Variants in SCMH1 observed in about 807,000 individuals in gnomAD.
SCMH1 encodes polycomb protein SCMH1.
Under a neutral mutation model 70.8 loss-of-function variants are expected in SCMH1, and 37 were observed. The observed-to-expected ratio is 0.52, with a 90% confidence interval of 0.40 to 0.69. SCMH1 has a LOEUF of 0.69. Ranked by LOEUF, SCMH1 falls within the 30% of genes least tolerant of loss-of-function variation. The pLI is 0.00. For missense variants in SCMH1, 607 were observed against 827.3 expected (o/e 0.73, Z 3.27); for synonymous variants, 292 against 307.4 (o/e 0.95, Z 0.52).
intron 1 of SCMH1, among the ~76,000 whole-genome samples, chr1:41,230,961 TAAAG>T (rs1263067739): frequency 3.3e-5 from 5 of 152,194 alleles, no homozygotes; most frequent in Non-Finnish European, 7.4e-5. Flanking sequence ...GCTTGCAAAT[TAAAG>T]AACCCCATAT....
rs181186604 is a variant in SCMH1 at position 41,085,909 on chromosome 1, C to A, written c.746-10458G>T. On this transcript the variant is annotated intron_variant, in intron 8 of 14. Transcript: ENST00000337495. The stretch of plus-strand genomic sequence containing the variant: ...AGGCTGGAGTGCAGTGGCGTGAACT[C>A]GGCTCACTGCAACCTCTGCCTCCTG... Among the ~76,000 whole-genome samples, 5 of 141,740 alleles carry A rather than the reference C, an allele frequency of 3.5e-5. No homozygotes were observed. The East Asian group carries it at 1.0e-3, about 30-fold the overall frequency. The allele number at this position is 141,740 out of a possible 152,430, so 93.0% of individuals were successfully genotyped here.
At chr1:41,227,719 C>T (rs12138221) in intron 1 of SCMH1, among the ~76,000 whole-genome samples, 11,883 of 152,146 alleles carry the variant, frequency 0.078, 602 homozygotes, top group South Asian at 0.13. Context: ...CAGTGGCTCA[C>T]GTCTGTAATC....
chr1:41,182,916 A>G (rs556154879), intron 2 of SCMH1, among the ~76,000 whole-genome samples: 3 of 152,328 alleles, frequency 2.0e-5, no homozygotes, highest in South Asian at 4.1e-4. Context: ...CTGTCCCAAA[A>G]TAAAGAGAAT....
intron 1 of SCMH1, among the ~76,000 whole-genome samples, chr1:41,215,815 A>G (rs1372150795): frequency 3.3e-5 from 5 of 152,176 alleles, no homozygotes; most frequent in African/African-American, 1.2e-4. Context: ...TGTCTCATTC[A>G]TGTTTACAAC....
intron 12 of SCMH1, among the ~76,000 whole-genome samples, chr1:41,044,295 G>T (rs974401823): frequency 1.3e-5 from 2 of 152,052 alleles, no homozygotes; most frequent in Non-Finnish European, 1.5e-5. Context: ...AGAAGGGCAG[G>T]AGTCATAAAT....
chr1:41,103,302 T>C (rs930399740), intron 8 of SCMH1, among the ~76,000 whole-genome samples: 2 of 152,004 alleles, frequency 1.3e-5, no homozygotes, highest in African/African-American at 2.4e-5. Context: ...TGGCTAATTT[T>C]TTTTTATTTT....
At chr1:41,150,718 T>C (rs1392614510) in intron 5 of SCMH1, among the ~76,000 whole-genome samples, 1 of 151,624 alleles carries the variant, frequency 6.6e-6, no homozygotes, top group Non-Finnish European at 1.5e-5. Context: ...GGGCAGATCA[T>C]GAGGTCAGGA....
chr1:41,178,137 T>C lies in SCMH1; in HGVS notation c.13+7984A>G, dbSNP rs192023606. The stretch of plus-strand genomic sequence containing the variant: ...CGCAGAATTTCATATCCAGCCAAAC[T>C]AAGCTTCATAAGTGAAGGAGAAATA... On this transcript the variant is annotated intron_variant, in intron 2 of 14. Transcript: ENST00000337495. Among the ~76,000 whole-genome samples, 461 of 152,258 alleles carry C rather than the reference T, an allele frequency of 3.0e-3. 1 individual carries two copies. The highest frequency in any genetic ancestry group is 0.01 in the African/African-American group (432 of 41,550).
intron 1 of SCMH1, among the ~76,000 whole-genome samples, chr1:41,234,612 C>G (rs1661977190): frequency 6.6e-6 from 1 of 151,556 alleles, no homozygotes; most frequent in African/African-American, 2.4e-5. Context: ...GTTGCTGGGA[C>G]TACAGGCACC....
intron 1 of SCMH1, among the ~76,000 whole-genome samples, chr1:41,186,748 A>C (rs1650315800): frequency 6.6e-6 from 1 of 152,208 alleles, no homozygotes; most frequent in Admixed American, 6.5e-5. Context: ...GACATGAGAG[A>C]TATCTCTTTC....
At chr1:41,193,580 G>A (rs1202288444) in intron 1 of SCMH1, among the ~76,000 whole-genome samples, 3 of 152,058 alleles carry the variant, frequency 2.0e-5, no homozygotes, top group Non-Finnish European at 2.9e-5. Flanking sequence ...AGGATTATCC[G>A]AAGAAAGACA....
intron 8 of SCMH1, among the ~76,000 whole-genome samples, chr1:41,090,874 C>T (rs924828442): frequency 2.0e-5 from 3 of 151,876 alleles, no homozygotes; most frequent in Admixed American, 6.6e-5. Context: ...CCCATCTCTA[C>T]TAAAAATACA....
intron 8 of SCMH1, among the ~76,000 whole-genome samples, chr1:41,100,462 T>C (rs1369881353): frequency 6.6e-6 from 1 of 151,936 alleles, no homozygotes; most frequent in Non-Finnish European, 1.5e-5. Context: ...AGACAAGGAG[T>C]AACGTAAAGC....
At chr1:41,226,590 C>T (rs557384576) in intron 1 of SCMH1, among the ~76,000 whole-genome samples, 1 of 152,016 alleles carries the variant, frequency 6.6e-6, no homozygotes, top group Non-Finnish European at 1.5e-5. Flanking sequence ...GACCTAAATT[C>T]ATTTAGTCAA....
At position 41,187,416 on chromosome 1, in the gene SCMH1, C is replaced by T. The variant is rs185468470; in HGVS notation, c.-117-1166G>A. On this transcript the variant is annotated intron_variant, in intron 1 of 14. Coordinates refer to ENST00000337495, the Ensembl canonical transcript of SCMH1. ...GGCGGAGGTTGCAGTGAGCTGAGAT[C>T]ATGCCACTGCACTCCAACCTAGGCG... Among the ~76,000 whole-genome samples the T allele has an allele frequency of 9.9e-4, 146 of 147,470 alleles. 4 individuals are homozygous for T. In the East Asian group the frequency reaches 0.026, roughly 26 times the overall value.
chr1:41,124,119 A>C (rs957128180), intron 6 of SCMH1, among the ~76,000 whole-genome samples: 15 of 152,150 alleles, frequency 9.9e-5, no homozygotes, highest in African/African-American at 3.6e-4. Flanking sequence ...AAACTATATA[A>C]TGAACAATTA....
intron 11 of SCMH1, among the ~76,000 whole-genome samples, chr1:41,047,642 T>C (rs187865717): frequency 2.5e-3 from 383 of 152,138 alleles, no homozygotes; most frequent in Non-Finnish European, 3.5e-3. Flanking sequence ...CCTCAGGTGA[T>C]CCGCCCACCT....
At chr1:41,148,532 G>C (rs1317006768) in intron 5 of SCMH1, among the ~76,000 whole-genome samples, 1 of 152,120 alleles carries the variant, frequency 6.6e-6, no homozygotes, top group Admixed American at 6.5e-5. Context: ...AGTCCAGGTT[G>C]ACAGGTTTTT....
At chr1:41,110,519 A>T (rs764016132) in intron 8 of SCMH1, among the ~76,000 whole-genome samples, 6 of 152,334 alleles carry the variant, frequency 3.9e-5, no homozygotes, top group Non-Finnish European at 5.9e-5. Context: ...AATTCTGGAC[A>T]TTTCATATAA....
Sources: allele counts gnomAD v4.1 joint callset (sites outside exome capture counted in the v4.1 genomes callset), GRCh38; gene constraint gnomAD v4.1.1; transcripts MANE v1.5; gene names NCBI Gene and HGNC (gene_info 2026-07-23, HGNC 2026-07-21).